Variants in COPB2 observed in about 807,000 individuals in gnomAD.
COPB2 encodes coat protein complex I subunit beta 2.
COPB2 carries 16 observed loss-of-function variants against 120.8 expected under a neutral mutation model. The ratio of observed to expected loss-of-function variants is 0.13; its 90% CI spans 0.09 to 0.20. The LOEUF (loss-of-function observed/expected upper bound fraction) is 0.20. COPB2 is among the 10% of genes least tolerant of loss of function. The probability of loss-of-function intolerance (pLI) is 1.00; values close to 1 mark genes in which losing one functional copy is unlikely to be tolerated. For missense variants in COPB2, 794 were observed against 1,076.5 expected, an observed-to-expected ratio of 0.74 and a Z score of 3.67; for synonymous variants, 332 against 366.3, an observed-to-expected ratio of 0.91 and a Z score of 1.07.
intron 13 of COPB2, 114 bp downstream of exon 13, chr3:139,368,031 G>T: frequency 9.5e-7 from 1 of 1,055,738 alleles, no homozygotes; most frequent in African/African-American, 1.6e-5. Flanking sequence ...ATCCTTAAAT[G>T]CTGTCTCCCT....
At chr3:139,374,449 T>C in intron 7 of COPB2, 40 bp downstream of exon 7, 1 of 1,501,242 alleles carries the variant, frequency 6.7e-7, no homozygotes, top group Non-Finnish European at 9.3e-7. Context: ...GCCCACTGAG[T>C]AGTTACTAGC....
At chr3:139,376,554 G>C (rs551262174) in intron 5 of COPB2, among the ~76,000 whole-genome samples, 14 of 152,178 alleles carry the variant, frequency 9.2e-5, no homozygotes, top group Admixed American at 3.9e-4. Context: ...TAATTTCAAA[G>C]TTAATCTATG....
chr3:139,365,754 C>T (rs1436612691), intron 15 of COPB2, among the ~76,000 whole-genome samples: 4 of 151,942 alleles, frequency 2.6e-5, no homozygotes, highest in Non-Finnish European at 5.9e-5. Context: ...GAAAATTAAG[C>T]AAAGGGGGGA....
At chr3:139,364,997 G>A (rs762991198) in intron 15 of COPB2, among the ~76,000 whole-genome samples, 3 of 152,120 alleles carry the variant, frequency 2.0e-5, no homozygotes, top group Non-Finnish European at 4.4e-5. Flanking sequence ...AGAAAGATAC[G>A]AGAAACTTTT....
chr3:139,365,915 G>A (rs1941506899), intron 15 of COPB2, among the ~76,000 whole-genome samples: 1 of 152,308 alleles, frequency 6.6e-6, no homozygotes, highest in East Asian at 1.9e-4. Context: ...TATTCTGAGA[G>A]ATAAAGGATA....
intron 2 of COPB2, 163 bp downstream of exon 2, chr3:139,383,135 C>T: frequency 1.3e-6 from 1 of 766,568 alleles, no homozygotes. Context: ...ACAAACTATC[C>T]CCTCATAAAT....
chr3:139,381,532 G>A (rs373221797), intron 2 of COPB2: 6 of 152,140 alleles, frequency 3.9e-5, no homozygotes, highest in African/African-American at 1.2e-4. Flanking sequence ...AATAAGATGA[G>A]GGTAATCCTT....
chr3:139,365,759 G>C (rs903366141), intron 15 of COPB2, among the ~76,000 whole-genome samples: 1 of 152,088 alleles, frequency 6.6e-6, no homozygotes, highest in East Asian at 1.9e-4. Flanking sequence ...TTAAGCAAAG[G>C]GGGGAAAAAG....
intron 1 of COPB2, among the ~76,000 whole-genome samples, chr3:139,386,545 C>G (rs1437464017): frequency 6.6e-6 from 1 of 152,142 alleles, no homozygotes. Context: ...AAATCATCAT[C>G]TTAACATTCC....
intron 10 of COPB2, among the ~76,000 whole-genome samples, chr3:139,370,966 T>C (rs940044289): frequency 1.3e-5 from 2 of 152,196 alleles, no homozygotes; most frequent in African/African-American, 4.8e-5. Context: ...ATGTATCTTA[T>C]TACACAACGC....
chr3:139,358,917 C>A, intron 19 of COPB2, 81 bp downstream of exon 19: 2 of 1,569,442 alleles, frequency 1.3e-6, no homozygotes, highest in South Asian at 1.1e-5. Context: ...TAAAAGAAGA[C>A]AGCAGTTCAA....
Position 139,368,485 on chromosome 3 carries a change from CCAAAGGGAGACAG to C in COPB2, c.1402-210_1402-198del, listed in dbSNP as rs544544342. 2.7e-4 allele frequency among the ~76,000 whole-genome samples: 41 copies of C among 152,246 alleles called. No individual in the cohort carries two copies. In the East Asian group the frequency reaches 6.2e-3, roughly 23 times the overall value. ...GCTATTTAGCCTAGCAATGGAAAGA[CCAAAGGGAGACAG>C]GAAAGGAGAGCTGTCAGTAAACACT... On this transcript the variant is annotated intron_variant, in intron 12 of 21. Transcript: ENST00000333188.
chr3:139,358,659 CA>C, intron 20 of COPB2, 84 bp downstream of exon 20: 1 of 938,914 alleles, frequency 1.1e-6, no homozygotes, highest in Non-Finnish European at 1.7e-6. Flanking sequence ...CCAGCCAGGG[CA>C]ATGGAGCGAA....
chr3:139,383,978 A>C (rs918972917), intron 1 of COPB2, among the ~76,000 whole-genome samples: 4 of 152,180 alleles, frequency 2.6e-5, no homozygotes, highest in Non-Finnish European at 2.9e-5. Flanking sequence ...TCTGCCTTCA[A>C]TATGTTGTGA....
chr3:139,361,515 G>A (rs1322390796), intron 16 of COPB2, among the ~76,000 whole-genome samples: 1 of 151,424 alleles, frequency 6.6e-6, no homozygotes, highest in Non-Finnish European at 1.5e-5. Context: ...TTAATGATGT[G>A]CAAATAATTA....
chr3:139,389,149 C>T (rs1941998283), intron 1 of COPB2, among the ~76,000 whole-genome samples: 1 of 152,186 alleles, frequency 6.6e-6, no homozygotes, highest in South Asian at 2.1e-4. Flanking sequence ...CACACACTAT[C>T]CCCAGAATAA....
chr3:139,379,372 T>C lies in COPB2; in HGVS notation c.228+8A>G. The C allele has an allele frequency of 6.2e-7, 1 of 1,612,698 alleles. No individual in the cohort carries two copies. The highest frequency in any genetic ancestry group is 8.5e-7 in the Non-Finnish European group (1 of 1,179,232). ...AAATGGGAATAGAGATTCATATTAATTACTTACCGCTCCTGTCACAACCCA... is the reference window on the plus strand; with the variant it reads ...AAATGGGAATAGAGATTCATATTAACTACTTACCGCTCCTGTCACAACCCA... On this transcript the variant is annotated splice_region_variant and intron_variant, in intron 3 of 21. Coordinates refer to ENST00000333188, the MANE Select transcript of COPB2 (RefSeq NM_004766.3).
In COPB2 at chr3:139,368,262, T is replaced by G; in HGVS notation, c.1428A>C (p.Leu476=). The G allele has an allele frequency of 6.2e-7, 1 of 1,612,416 alleles. No homozygotes were observed. The highest frequency in any genetic ancestry group is 8.5e-7 in the Non-Finnish European group (1 of 1,179,472). ...KHIFWSDSGE[L]VCIATEESFF... ...ATGATTCCTCAGTAGCAATACAGAC[T>G]AGCTCTCCAGAGTCAGACCAGAAAA... Residue 476 remains leucine (L), a synonymous_variant, in exon 13 of 22, where the codon CTA becomes CTC. Transcript: ENST00000333188.
chr3:139,369,154 T>C (rs899615810), intron 12 of COPB2, 107 bp downstream of exon 12: 2 of 721,258 alleles, frequency 2.8e-6, no homozygotes, highest in South Asian at 2.5e-5. Context: ...TGGCTTTTGA[T>C]AATCGAAGAG....
Sources: allele counts gnomAD v4.1 joint callset (sites outside exome capture counted in the v4.1 genomes callset), GRCh38; gene constraint gnomAD v4.1.1; transcripts MANE v1.5; gene names NCBI Gene and HGNC (gene_info 2026-07-23, HGNC 2026-07-21).